The following DGKB variants were observed in gnomAD, a reference collection of about 807,000 sequenced individuals.
DGKB encodes the protein diacylglycerol kinase beta, also known as 90 kDa diacylglycerol kinase.
A neutral mutation model predicts 114.3 loss-of-function variants in DGKB; 67 were observed. That is an observed-to-expected ratio of 0.59 (90% confidence interval 0.48 to 0.72). The LOEUF is 0.72. DGKB is among the 30% of genes least tolerant of loss of function. The pLI is 0.00. For synonymous variants in DGKB, 398 were observed against 323.1 expected, an observed-to-expected ratio of 1.23 and a Z score of -2.49; for missense variants, 907 against 975.2, an observed-to-expected ratio of 0.93 and a Z score of 0.93.
At chr7:14,169,892 TG>T (rs1328066375) in intron 25 of DGKB, among the ~76,000 whole-genome samples, 1 of 152,050 alleles carries the variant, frequency 6.6e-6, no homozygotes, top group Non-Finnish European at 1.5e-5. Flanking sequence ...CCCAGCACTT[TG>T]GGCAGCCAAG....
At chr7:14,631,891 A>C (rs1208859056) in intron 13 of DGKB, among the ~76,000 whole-genome samples, 1 of 151,956 alleles carries the variant, frequency 6.6e-6, no homozygotes, top group Admixed American at 6.6e-5. Context: ...AATCCTATGG[A>C]TCCTTATCCC....
At chr7:14,227,662 C>G (rs1375524251) in intron 23 of DGKB, among the ~76,000 whole-genome samples, 1 of 151,874 alleles carries the variant, frequency 6.6e-6, no homozygotes, top group African/African-American at 2.4e-5. Context: ...GTCCTTTGTG[C>G]TGGAGTATAT....
intron 16 of DGKB, among the ~76,000 whole-genome samples, chr7:14,611,429 A>G (rs956805488): frequency 4.6e-5 from 7 of 152,140 alleles, no homozygotes; most frequent in Non-Finnish European, 8.8e-5. Context: ...ACCTTTTGCA[A>G]CTTATCTAAC....
At chr7:14,604,922 A>C (rs570183113) in intron 17 of DGKB, among the ~76,000 whole-genome samples, 1 of 152,298 alleles carries the variant, frequency 6.6e-6, no homozygotes, top group South Asian at 2.1e-4. Context: ...CATCAGTATC[A>C]GAGGCAAACA....
At chr7:14,787,966 G>A (rs1036493980) in intron 2 of DGKB, among the ~76,000 whole-genome samples, 1 of 152,310 alleles carries the variant, frequency 6.6e-6, no homozygotes. Context: ...GACTGCCTTT[G>A]AGGCAGAGGC....
At chr7:14,478,101 A>G in intron 21 of DGKB, 60 bp downstream of exon 21, 1 of 1,170,520 alleles carries the variant, frequency 8.5e-7, no homozygotes, top group Admixed American at 2.0e-5. Flanking sequence ...CCATCTAGTG[A>G]TCTTTTTATG....
chr7:14,769,754 C>G lies in DGKB; in HGVS notation c.71-12023G>C, dbSNP rs537450796. Among the ~76,000 whole-genome samples, 7 of 152,076 alleles carry G rather than the reference C, an allele frequency of 4.6e-5. No homozygotes were observed. In the South Asian group the frequency reaches 8.3e-4, roughly 18 times the overall value. ...TAGGAATTAGTTTCACACCTCTCCT[C>G]TAGTTTCTGGTGGCTGCTGGAAATC... is the stretch of plus-strand genomic sequence containing the variant. On this transcript the variant is annotated intron_variant, in intron 2 of 25. Coordinates refer to ENST00000402815, the MANE Select transcript of DGKB (RefSeq NM_001350709.2).
chr7:14,954,174 C>T (rs1786368572), intron 1 of DGKB, among the ~76,000 whole-genome samples: 1 of 152,022 alleles, frequency 6.6e-6, no homozygotes, highest in Non-Finnish European at 1.5e-5. Context: ...CCTTGACATC[C>T]TCTCTGTCTT....
rs577537710 is a variant in DGKB at position 14,466,506 on chromosome 7, A to C, written c.1835+11655T>G. ...GCCTAAACAGTTGCAGCCAGTCAAC[A>C]CTGCAAAATAGGGGCAAGAACCTTG... On this transcript the variant is annotated intron_variant, in intron 21 of 25. Transcript: ENST00000402815. 2.0e-5 allele frequency among the ~76,000 whole-genome samples: 3 copies of C among 152,324 alleles called. No individual in the cohort carries two copies. In the East Asian group the frequency reaches 5.8e-4, roughly 29 times the overall value.
At chr7:14,652,817 A>C (rs1011780195) in intron 13 of DGKB, among the ~76,000 whole-genome samples, 1 of 152,180 alleles carries the variant, frequency 6.6e-6, no homozygotes, top group Non-Finnish European at 1.5e-5. Flanking sequence ...GAAAAAAACA[A>C]ACAACCCCAT....
intron 2 of DGKB, among the ~76,000 whole-genome samples, chr7:14,780,055 G>A (rs975052635): frequency 1.3e-5 from 2 of 152,188 alleles, no homozygotes; most frequent in Admixed American, 1.3e-4. Flanking sequence ...AATGGGGCAT[G>A]GAAAGTATGG....
At chr7:14,653,961 A>G (rs1399313075) in intron 13 of DGKB, among the ~76,000 whole-genome samples, 1 of 151,776 alleles carries the variant, frequency 6.6e-6, no homozygotes, top group East Asian at 1.9e-4. Context: ...AGCATTTTCT[A>G]CAAGAACTGG....
At chr7:14,500,642 A>T (rs550099103) in intron 20 of DGKB, among the ~76,000 whole-genome samples, 3 of 151,914 alleles carry the variant, frequency 2.0e-5, no homozygotes, top group African/African-American at 7.2e-5. Flanking sequence ...TACAGGTATT[A>T]CTCCTACAGG....
chr7:14,880,817 G>C (rs1361708815), intron 1 of DGKB, among the ~76,000 whole-genome samples: 15 of 152,026 alleles, frequency 9.9e-5, no homozygotes. Flanking sequence ...ATTTATATTT[G>C]CTTATACAAC....
chr7:14,720,529 G>C (rs547379012), intron 5 of DGKB, among the ~76,000 whole-genome samples: 9 of 150,074 alleles, frequency 6.0e-5, no homozygotes, highest in East Asian at 2.0e-4. Context: ...ATGTTTAGTA[G>C]AGATGGTGTT....
chr7:14,598,842 C>G (rs1039616638), intron 17 of DGKB, among the ~76,000 whole-genome samples: 18 of 152,126 alleles, frequency 1.2e-4, no homozygotes, highest in South Asian at 6.2e-4. Context: ...TTCTCACATA[C>G]ATTTCATGAA....
chr7:14,699,774 C>CA (rs984933272), intron 7 of DGKB, among the ~76,000 whole-genome samples: 1 of 151,398 alleles, frequency 6.6e-6, no homozygotes, highest in African/African-American at 2.4e-5. Context: ...CCTTTAATTA[C>CA]AAAAAAATAG....
chr7:14,716,773 C>G (rs1325439832), intron 6 of DGKB, among the ~76,000 whole-genome samples: 1 of 151,766 alleles, frequency 6.6e-6, no homozygotes, highest in Non-Finnish European at 1.5e-5. Flanking sequence ...GAAAGAAAAC[C>G]AAACTTCGGA....
At chr7:14,579,666 T>C (rs1247043502) in intron 19 of DGKB, among the ~76,000 whole-genome samples, 3 of 152,220 alleles carry the variant, frequency 2.0e-5, no homozygotes, top group South Asian at 2.1e-4. Context: ...ACATCCCAAA[T>C]AGACTACATA....
Sources: allele counts gnomAD v4.1 joint callset (sites outside exome capture counted in the v4.1 genomes callset), GRCh38; gene constraint gnomAD v4.1.1; transcripts MANE v1.5; gene names NCBI Gene and HGNC (gene_info 2026-07-23, HGNC 2026-07-21).